ITPR1: variants seen among roughly 807,000 people sequenced by gnomAD.
ITPR1 encodes the protein inositol 1,4,5-trisphosphate-gated calcium channel ITPR1.
A neutral mutation model predicts 318.4 loss-of-function variants in ITPR1; 96 were observed. The observed-to-expected ratio is 0.30, with a 90% CI of 0.26 to 0.36. The LOEUF (loss-of-function observed/expected upper bound fraction) is 0.36. Ranked by LOEUF, ITPR1 falls within the 10% of genes least tolerant of loss-of-function variation. The pLI, the probability that ITPR1 is intolerant of heterozygous loss-of-function variation, is 1.00. For synonymous variants in ITPR1, 1,312 were observed against 1,289.9 expected (o/e 1.02, Z -0.37); for missense variants, 2,440 against 3,460.2 (o/e 0.71, Z 7.40).
chr3:4,589,783 C>T (rs892219861), intron 4 of ITPR1, among the ~76,000 whole-genome samples: 14 of 152,000 alleles, frequency 9.2e-5, no homozygotes, highest in South Asian at 6.2e-4. Context: ...AAATGCAAAA[C>T]GAACAAAACA....
chr3:4,562,780 A>G lies in ITPR1; in HGVS notation c.163+41686A>G, dbSNP rs568173266. 2.2e-4 allele frequency among the ~76,000 whole-genome samples: 33 copies of G among 152,104 alleles called. 1 individual carries two copies. The East Asian group carries it at 3.9e-3, about 18-fold the overall frequency. The stretch of plus-strand genomic sequence containing the variant: ...CAGTGCACTGTGCACCATGCTAAGC[A>G]CTGGAGATAGTGTTGAGTGAGACAA... On this transcript the variant is annotated intron_variant, in intron 4 of 61. Transcript: ENST00000649015.
chr3:4,702,332 G>A (rs545676805), intron 35 of ITPR1, among the ~76,000 whole-genome samples: 18 of 152,154 alleles, frequency 1.2e-4, no homozygotes, highest in Non-Finnish European at 2.6e-4. Flanking sequence ...AGTAGCAGTC[G>A]AGGTGAGATC....
At chr3:4,803,089 T>C (rs546285046) in intron 54 of ITPR1, among the ~76,000 whole-genome samples, 53 of 152,298 alleles carry the variant, frequency 3.5e-4, no homozygotes, top group African/African-American at 1.3e-3. Flanking sequence ...CTTTCACTCA[T>C]GGCGGAGTAA....
At chr3:4,594,806 A>G (rs1003579412) in intron 4 of ITPR1, among the ~76,000 whole-genome samples, 2 of 151,820 alleles carry the variant, frequency 1.3e-5, no homozygotes, top group African/African-American at 2.4e-5. Context: ...GTCATCTCCT[A>G]TAATAAAGTG....
chr3:4,842,942 TAAG>T (rs918546150), intron 61 of ITPR1, among the ~76,000 whole-genome samples: 2 of 152,122 alleles, frequency 1.3e-5, no homozygotes, highest in African/African-American at 4.8e-5. Context: ...GGTAAGTAGA[TAAG>T]AAGAATTGAA....
chr3:4,775,770 A>G (rs1410257780), intron 47 of ITPR1, among the ~76,000 whole-genome samples: 1 of 152,220 alleles, frequency 6.6e-6, no homozygotes, highest in African/African-American at 2.4e-5. Context: ...AAAGACAGTG[A>G]CCTATTTTAA....
At chr3:4,553,723 C>T (rs2085824271) in intron 4 of ITPR1, among the ~76,000 whole-genome samples, 1 of 151,816 alleles carries the variant, frequency 6.6e-6, no homozygotes, top group Non-Finnish European at 1.5e-5. Flanking sequence ...CCCTCAGTCT[C>T]CTGAGTAGCT....
intron 2 of ITPR1, among the ~76,000 whole-genome samples, chr3:4,495,682 C>T (rs1227208402): frequency 6.6e-6 from 1 of 152,186 alleles, no homozygotes; most frequent in African/African-American, 2.4e-5. Flanking sequence ...AGGTCCAGAG[C>T]CATGTATCTC....
Position 4,673,170 on chromosome 3 carries a change from G to A in ITPR1, c.2239G>A (p.Asp747Asn). The stretch of plus-strand genomic sequence containing the variant: ...GAACCTCTTTGCGAGGATGTGTCTG[G>A]ACCGCCAATACCTGGCCATCAACGA... ...QLNLFARMCL[D>N]RQYLAINEIS... Residue 747 changes from aspartate to asparagine, a missense_variant, in exon 21 of 62, where the codon GAC becomes AAC. By Grantham distance (23) the Asp-to-Asn change is conservative. Transcript: ENST00000649015. The A allele has an allele frequency of 6.2e-7, 1 of 1,613,882 alleles. No homozygotes were observed. The highest frequency in any genetic ancestry group is 2.2e-5 in the East Asian group (1 of 44,864).
chr3:4,630,935 G>A (rs186193464), intron 5 of ITPR1, among the ~76,000 whole-genome samples: 65 of 152,144 alleles, frequency 4.3e-4, no homozygotes, highest in Non-Finnish European at 7.8e-4. Context: ...TTTAATCTTC[G>A]CATCATTTTC....
chr3:4,733,041 G>C (rs1188860946), intron 42 of ITPR1, 47 bp from the exon 43 acceptor site: 1 of 1,585,926 alleles, frequency 6.3e-7, no homozygotes, highest in African/African-American at 1.3e-5. Context: ...GTCCCTCGGT[G>C]ATGCATTAAA....
chr3:4,514,847 C>T (rs2082072066), intron 2 of ITPR1, among the ~76,000 whole-genome samples: 1 of 152,100 alleles, frequency 6.6e-6, no homozygotes, highest in Admixed American at 6.5e-5. Flanking sequence ...CCATTTGTGC[C>T]GCCTTTCTGG....
chr3:4,740,770 G>A (rs747178578), intron 44 of ITPR1, among the ~76,000 whole-genome samples: 6 of 152,118 alleles, frequency 3.9e-5, no homozygotes, highest in East Asian at 1.9e-4. Flanking sequence ...TGAACCCTCC[G>A]CTTATGGGAA....
At chr3:4,512,083 GC>G (rs1447661440) in intron 2 of ITPR1, among the ~76,000 whole-genome samples, 2 of 152,116 alleles carry the variant, frequency 1.3e-5, no homozygotes, top group Non-Finnish European at 2.9e-5. Context: ...GAGCTCCCAG[GC>G]TCAAGTGATC....
chr3:4,842,613 C>G (rs1476681330), intron 61 of ITPR1, among the ~76,000 whole-genome samples: 1 of 152,190 alleles, frequency 6.6e-6, no homozygotes, highest in East Asian at 1.9e-4. Context: ...AGTGATCTGC[C>G]TCCCAAAGTG....
At chr3:4,702,068 T>G (rs2125264947) in intron 35 of ITPR1, among the ~76,000 whole-genome samples, 1 of 152,312 alleles carries the variant, frequency 6.6e-6, no homozygotes, top group East Asian at 1.9e-4. Context: ...TATCTTTGCC[T>G]TGCTGGTCCA....
intron 4 of ITPR1, among the ~76,000 whole-genome samples, chr3:4,624,449 A>G (rs903967714): frequency 1.3e-5 from 2 of 152,134 alleles, no homozygotes; most frequent in African/African-American, 4.8e-5. Flanking sequence ...TGGGTGGATC[A>G]CTTGAGGTCA....
rs1575397510 is a variant in ITPR1, at chr3:4,521,057, A to G, written c.126A>G (p.Glu42=). 1.9e-6 allele frequency: 3 copies of G among 1,613,804 alleles called. No homozygotes were observed. In the South Asian group the frequency reaches 3.3e-5, roughly 18 times the overall value. ...LVDDRCVVQP[E]TGDLNNPPKK... is the part of the protein sequence containing the mutation. Reference sequence around the variant, plus strand: ...ATGATCGTTGTGTTGTACAGCCAGAAACCGGGGACCTTAACAATCCACCTA... The same window carrying G: ...ATGATCGTTGTGTTGTACAGCCAGAGACCGGGGACCTTAACAATCCACCTA... The change falls in exon 4 of 62, where the codon GAA becomes GAG. Residue 42 remains glutamate, a synonymous_variant. Transcript: ENST00000649015.
chr3:4,519,053 C>G (rs1243601673), intron 3 of ITPR1, among the ~76,000 whole-genome samples: 1 of 152,098 alleles, frequency 6.6e-6, no homozygotes, highest in Non-Finnish European at 1.5e-5. Flanking sequence ...TTAAGAATCC[C>G]TGAGACCAAC....
Sources: allele counts gnomAD v4.1 joint callset (sites outside exome capture counted in the v4.1 genomes callset), GRCh38; gene constraint gnomAD v4.1.1; transcripts MANE v1.5; gene names NCBI Gene and HGNC (gene_info 2026-07-23, HGNC 2026-07-21).